The following SEPTIN14 variants were observed in gnomAD, a reference collection of about 807,000 sequenced individuals.
The protein encoded by SEPTIN14 is septin 14.
SEPTIN14 carries 40 observed loss-of-function variants against 53.6 expected under a neutral mutation model. The ratio of observed to expected loss-of-function variants is 0.75; its 90% CI spans 0.58 to 0.97. SEPTIN14 has a LOEUF of 0.97. SEPTIN14 is among the 50% of genes least tolerant of loss of function. The pLI, the probability that SEPTIN14 is intolerant of heterozygous loss-of-function variation, is 0.00. For synonymous variants in SEPTIN14, 138 were observed against 166.8 expected, an observed-to-expected ratio of 0.83 and a Z score of 1.33; for missense variants, 471 against 508.2, an observed-to-expected ratio of 0.93 and a Z score of 0.70.
At chr7:55,836,599 GT>G (rs1408092120) in intron 5 of SEPTIN14, among the ~76,000 whole-genome samples, 2 of 152,038 alleles carry the variant, frequency 1.3e-5, no homozygotes, top group African/African-American at 2.4e-5. Context: ...TTAGCCAGGC[GT>G]GTTGGCTCAT....
At chr7:55,847,230 A>T (rs1001345859) in intron 2 of SEPTIN14, among the ~76,000 whole-genome samples, 13 of 152,114 alleles carry the variant, frequency 8.5e-5, no homozygotes, top group African/African-American at 3.1e-4. Context: ...AATTAATTAA[A>T]TAGGGAATTA....
rs1170803437 is a variant in SEPTIN14 at position 55,811,496 on chromosome 7, CTTTTTTTT to C, written c.818-4246_818-4239del. 500 of 181,082 alleles carry C rather than the reference CTTTTTTTT, an allele frequency of 2.8e-3. 1 individual carries two copies. The highest frequency in any genetic ancestry group is 3.8e-3 in the South Asian group (69 of 18,164). The allele number at this position is 181,082 out of a possible 1,614,324, so 11.2% of individuals were successfully genotyped here. A position where few individuals can be genotyped will look rare whatever the true frequency, so the allele number is the denominator to read the frequency against. ...CAATTTTAAATCAAGTTTTACAGTT[CTTTTTTTT>C]TTTTTTTTTTTTTTTGAGATGGAGT... On this transcript the variant is annotated intron_variant, in intron 7 of 9. Coordinates refer to ENST00000388975, the MANE Select transcript of SEPTIN14 (RefSeq NM_207366.3).
Position 55,861,997 on chromosome 7 carries a change from G to C in SEPTIN14, c.-1C>G, listed in dbSNP as rs1305832109. ...GCATAGCCATTGTTCTTTCTGCCAT[G>C]CTACACTAAAAGAGCTGGAAATTTA... On this transcript the variant is annotated 5_prime_UTR_variant, in exon 2 of 10. Transcript: ENST00000388975. The C allele has an allele frequency of 6.3e-7, 1 of 1,576,594 alleles. No homozygotes were observed. Among genetic ancestry groups the C allele is most frequent in the Non-Finnish European group, 8.6e-7 (1 of 1,163,360 alleles).
chr7:55,814,681 T>A (rs1004863353), intron 7 of SEPTIN14, among the ~76,000 whole-genome samples: 1 of 152,158 alleles, frequency 6.6e-6, no homozygotes, highest in African/African-American at 2.4e-5. Flanking sequence ...ACAGTTCATG[T>A]TCATGGATTG....
At chr7:55,846,092 T>TATATATATATAC (rs1562718663) in intron 3 of SEPTIN14, among the ~76,000 whole-genome samples, 6 of 129,900 alleles carry the variant, frequency 4.6e-5, no homozygotes, top group African/African-American at 1.7e-4. Context: ...TATATATATA[T>TATATATATATAC]GTATACATGC....
chr7:55,808,374 C>T (rs1225001186), intron 7 of SEPTIN14, among the ~76,000 whole-genome samples: 1 of 152,148 alleles, frequency 6.6e-6, no homozygotes, highest in Non-Finnish European at 1.5e-5. Context: ...ACTGCTGGAT[C>T]ATACAGTAAT....
At chr7:55,819,798 T>C (rs1377389678) in intron 6 of SEPTIN14, among the ~76,000 whole-genome samples, 1 of 152,136 alleles carries the variant, frequency 6.6e-6, no homozygotes, top group African/African-American at 2.4e-5. Flanking sequence ...AAAAAGATTT[T>C]CAGTAGGCAT....
At chr7:55,829,413 T>C (rs1466512517) in intron 6 of SEPTIN14, among the ~76,000 whole-genome samples, 1 of 147,618 alleles carries the variant, frequency 6.8e-6, no homozygotes, top group Non-Finnish European at 1.5e-5. Context: ...AGAAAGAAAA[T>C]TGATATGGTG....
intron 3 of SEPTIN14, among the ~76,000 whole-genome samples, chr7:55,844,958 G>T (rs1366419673): frequency 6.6e-6 from 1 of 151,614 alleles, no homozygotes; most frequent in Admixed American, 6.6e-5. Flanking sequence ...ACACGTGCAG[G>T]TTTGTTGTAT....
chr7:55,807,436 C>T (rs768769411), intron 7 of SEPTIN14, among the ~76,000 whole-genome samples, 178 bp from the exon 8 acceptor site: 1 of 152,114 alleles, frequency 6.6e-6, no homozygotes, highest in East Asian at 1.9e-4. Flanking sequence ...TACATACCAA[C>T]CATAGGCAGA....
At chr7:55,823,157 C>T (rs181007210) in intron 6 of SEPTIN14, among the ~76,000 whole-genome samples, 1 of 152,312 alleles carries the variant, frequency 6.6e-6, no homozygotes, top group East Asian at 1.9e-4. Context: ...AACCTGTCTT[C>T]CTGCTTGGTG....
At chr7:55,822,120 CAT>C (rs1454665575) in intron 6 of SEPTIN14, among the ~76,000 whole-genome samples, 2 of 152,178 alleles carry the variant, frequency 1.3e-5, no homozygotes, top group Admixed American at 6.5e-5. Context: ...CCTCCCGAAA[CAT>C]GTGGGAATTC....
chr7:55,822,817 T>C (rs1788919493), intron 6 of SEPTIN14, among the ~76,000 whole-genome samples: 1 of 146,728 alleles, frequency 6.8e-6, no homozygotes, highest in South Asian at 2.1e-4. Flanking sequence ...AGAGTCCTAA[T>C]TAGAGAAAGG....
At chr7:55,831,857 A>T (rs982670430) in intron 6 of SEPTIN14, among the ~76,000 whole-genome samples, 19 of 152,320 alleles carry the variant, frequency 1.2e-4, no homozygotes, top group Non-Finnish European at 2.4e-4. Context: ...TGGCCACCAA[A>T]CACATGAAAA....
chr7:55,824,628 C>A (rs1023246380), intron 6 of SEPTIN14, among the ~76,000 whole-genome samples: 25 of 144,832 alleles, frequency 1.7e-4, no homozygotes, highest in African/African-American at 2.8e-4. Flanking sequence ...ACTAAAAATA[C>A]AAAAAAAAAA....
Position 55,842,932 on chromosome 7 carries a change from C to G in SEPTIN14, c.558+10G>C. The G allele has an allele frequency of 6.8e-7, 1 of 1,465,480 alleles. No individual in the cohort carries two copies. The allele number at this position is 1,465,480 out of a possible 1,614,324, so 90.8% of individuals were successfully genotyped here. ...CAAAAAAAAAAAGATGGTAGATTTA[C>G]CAAACATACCTTACTGTCAAGGTTC... On this transcript the variant is annotated intron_variant, in intron 5 of 9. Coordinates refer to ENST00000388975, the MANE Select transcript of SEPTIN14 (RefSeq NM_207366.3).
chr7:55,847,137 G>C (rs770266668), intron 2 of SEPTIN14, among the ~76,000 whole-genome samples: 1 of 152,116 alleles, frequency 6.6e-6, no homozygotes, highest in African/African-American at 2.4e-5. Flanking sequence ...CAACCCGGGA[G>C]GGGGAGGTTG....
In SEPTIN14 at chr7:55,830,321, GTA is replaced by G. The variant is rs746498199; in HGVS notation, c.720+4102_720+4103del. ...GTGGTAATCAGAATGTTATCCAACT[GTA>G]TATATATATATATATATATATATAT... On this transcript the variant is annotated intron_variant, in intron 6 of 9. Transcript: ENST00000388975. Among the ~76,000 whole-genome samples, 779 of 84,508 alleles carry G rather than the reference GTA, an allele frequency of 9.2e-3. 24 individuals carry two copies. Among genetic ancestry groups the G allele is most frequent in the Middle Eastern group, 0.021 (2 of 94 alleles). The allele number at this position is 84,508 out of a possible 152,430, so 55.4% of individuals were successfully genotyped here.
At chr7:55,799,298 G>A (rs1788484800) in intron 9 of SEPTIN14, among the ~76,000 whole-genome samples, 1 of 149,730 alleles carries the variant, frequency 6.7e-6, no homozygotes. Flanking sequence ...TTGAGGTCAG[G>A]AGTTCAAGAC....
Sources: allele counts gnomAD v4.1 joint callset (sites outside exome capture counted in the v4.1 genomes callset), GRCh38; gene constraint gnomAD v4.1.1; transcripts MANE v1.5; gene names NCBI Gene and HGNC (gene_info 2026-07-23, HGNC 2026-07-21).